MYO5B: variants seen among roughly 807,000 people sequenced by gnomAD.
MYO5B encodes the protein unconventional myosin-Vb.
Under a neutral mutation model 229.3 loss-of-function variants are expected in MYO5B, and 143 were observed. The observed-to-expected ratio is 0.62, with a 90% confidence interval of 0.54 to 0.72. The LOEUF (loss-of-function observed/expected upper bound fraction) is 0.72, where lower values mean the gene tolerates loss of function less well. MYO5B is among the 30% of genes least tolerant of loss of function. MYO5B has a pLI of 0.00. For synonymous variants in MYO5B, 918 were observed against 885.2 expected, an observed-to-expected ratio of 1.04 and a Z score of -0.66; for missense variants, 2,321 against 2,331.0, an observed-to-expected ratio of 1.00 and a Z score of 0.09.
At chr18:49,942,451 T>A (rs1453466698) in intron 14 of MYO5B, among the ~76,000 whole-genome samples, 2 of 149,306 alleles carry the variant, frequency 1.3e-5, no homozygotes, top group African/African-American at 4.9e-5. Flanking sequence ...GAGAAAATTT[T>A]TGCAATCTAC....
intron 17 of MYO5B, 110 bp downstream of exon 17, chr18:49,929,402 G>GT (rs1216562174): frequency 1.2e-5 from 10 of 850,262 alleles, no homozygotes; most frequent in Non-Finnish European, 1.7e-5. Flanking sequence ...TTTGGGAACC[G>GT]TTTTGAAGGA....
intron 2 of MYO5B, among the ~76,000 whole-genome samples, chr18:50,044,488 C>T (rs1221607717): frequency 6.6e-6 from 1 of 152,062 alleles, no homozygotes; most frequent in East Asian, 1.9e-4. Context: ...AGTCACCACT[C>T]AGAGTGGACC....
chr18:50,132,407 G>A (rs192950560), intron 1 of MYO5B, among the ~76,000 whole-genome samples: 28 of 152,196 alleles, frequency 1.8e-4, no homozygotes, highest in Admixed American at 1.1e-3. Context: ...TCCTTCTGTC[G>A]TTGTAAAGAT....
intron 39 of MYO5B, among the ~76,000 whole-genome samples, chr18:49,828,663 C>G (rs919072250): frequency 6.6e-6 from 1 of 152,032 alleles, no homozygotes. Flanking sequence ...AATATTCAAA[C>G]AAGTCTGAAT....
chr18:49,973,927 T>TA (rs139478114), intron 10 of MYO5B, among the ~76,000 whole-genome samples: 2,230 of 152,334 alleles, frequency 0.015, 57 homozygotes, highest in African/African-American at 0.05. Context: ...CCTTGACTGT[T>TA]ACAGTCAATG....
At chr18:49,917,123 G>C (rs1210714877) in intron 17 of MYO5B, among the ~76,000 whole-genome samples, 1 of 152,192 alleles carries the variant, frequency 6.6e-6, no homozygotes, top group Admixed American at 6.5e-5. Flanking sequence ...CTGTGGGACA[G>C]AGAGCATTCC....
intron 4 of MYO5B, among the ~76,000 whole-genome samples, chr18:50,006,612 TG>T (rs547287312): frequency 2.6e-5 from 4 of 152,260 alleles, no homozygotes; most frequent in Non-Finnish European, 5.9e-5. Context: ...CTGTGACACC[TG>T]AGAGGCAGGA....
At chr18:50,032,930 T>C (rs1414277397) in intron 4 of MYO5B, among the ~76,000 whole-genome samples, 2 of 151,794 alleles carry the variant, frequency 1.3e-5, no homozygotes, top group African/African-American at 4.8e-5. Flanking sequence ...GAGGTTGCAG[T>C]GAGCCAAGAT....
At chr18:50,183,327 A>ATATATATATATATATATG (rs1568136367) in intron 1 of MYO5B, among the ~76,000 whole-genome samples, 2 of 95,988 alleles carry the variant, frequency 2.1e-5, no homozygotes, top group South Asian at 6.2e-4. Flanking sequence ...ATATATATAT[A>ATATATATATATATATATG]TATATATATA....
intron 39 of MYO5B, among the ~76,000 whole-genome samples, chr18:49,827,589 G>A (rs2023862685): frequency 6.6e-6 from 1 of 152,054 alleles, no homozygotes; most frequent in African/African-American, 2.4e-5. Flanking sequence ...AAGAAAATCA[G>A]TGAATTTGAA....
Position 49,905,826 on chromosome 18 carries a change from G to A in MYO5B, c.2414+593C>T, listed in dbSNP as rs570330565. Among the ~76,000 whole-genome samples, 3 of 152,256 alleles carry A rather than the reference G, an allele frequency of 2.0e-5. No homozygotes were observed. The East Asian group carries it at 5.8e-4, about 29-fold the overall frequency. ...GCCTCATCAGCCCAGTGTCCGTGAG[G>A]AAGGAACCCTGCAGTAGTTTCTTCT... On this transcript the variant is annotated intron_variant, in intron 19 of 39. Transcript: ENST00000285039.
intron 27 of MYO5B, 58 bp from the exon 28 acceptor site, chr18:49,864,438 T>G (rs1349844413): frequency 6.3e-7 from 1 of 1,596,642 alleles, no homozygotes; most frequent in Admixed American, 1.7e-5. Context: ...TCTCTCCCTG[T>G]GTGGGCCTCC....
intron 33 of MYO5B, among the ~76,000 whole-genome samples, chr18:49,844,429 G>GTA (rs1461869961): frequency 1.3e-5 from 2 of 152,186 alleles, no homozygotes; most frequent in Non-Finnish European, 1.5e-5. Context: ...TGAGCCACCT[G>GTA]TAGGCTCAGA....
chr18:49,936,253 G>A lies in MYO5B; in HGVS notation c.2002C>T (p.His668Tyr), dbSNP rs1277450329. ...GGCTAATGCCCAGCAGGCACTTACT[G>A]AAAGGGGAGCTTCTCATCGTTGGGC... ...IKPNDEKLPF[H>Y]FDPKRAVQQL... The change falls in exon 16 of 40, where the codon CAC becomes TAC. Residue 668 changes from histidine (H) to tyrosine (Y), a missense_variant and splice_region_variant. Transcript: ENST00000285039. 1 of 1,590,744 alleles carries A rather than the reference G, an allele frequency of 6.3e-7. No individual in the cohort carries two copies. The highest frequency in any genetic ancestry group is 8.6e-7 in the Non-Finnish European group (1 of 1,167,170).
intron 14 of MYO5B, among the ~76,000 whole-genome samples, chr18:49,945,902 A>T (rs990087035): frequency 6.6e-6 from 1 of 152,190 alleles, no homozygotes; most frequent in African/African-American, 2.4e-5. Context: ...GGCTGGAGGC[A>T]GGTTCACATT....
intron 7 of MYO5B, among the ~76,000 whole-genome samples, chr18:49,987,773 G>A (rs1275889104): frequency 6.6e-6 from 1 of 152,136 alleles, no homozygotes; most frequent in Admixed American, 6.5e-5. Context: ...CCTAAAGGCT[G>A]TATTTAAGGG....
chr18:50,011,758 C>G (rs2026162882), intron 4 of MYO5B, among the ~76,000 whole-genome samples: 1 of 152,100 alleles, frequency 6.6e-6, no homozygotes, highest in African/African-American at 2.4e-5. Context: ...CATGATAATT[C>G]TATGCCCTAC....
chr18:49,893,085 A>T (rs1351179709), intron 22 of MYO5B, among the ~76,000 whole-genome samples: 3 of 152,050 alleles, frequency 2.0e-5, no homozygotes, highest in Non-Finnish European at 4.4e-5. Flanking sequence ...ACTCTTATGC[A>T]CTCCCTTTGA....
At chr18:49,953,993 TAC>T (rs997040574) in intron 13 of MYO5B, among the ~76,000 whole-genome samples, 22 of 148,204 alleles carry the variant, frequency 1.5e-4, no homozygotes, top group South Asian at 2.2e-4. Context: ...ACTATATATA[TAC>T]ACAGACATAT....
Sources: allele counts gnomAD v4.1 joint callset (sites outside exome capture counted in the v4.1 genomes callset), GRCh38; gene constraint gnomAD v4.1.1; transcripts MANE v1.5; gene names NCBI Gene and HGNC (gene_info 2026-07-23, HGNC 2026-07-21).